CD200: variants seen among roughly 807,000 people sequenced by gnomAD.
The protein encoded by CD200 is CD200 molecule, also known as OX-2 membrane glycoprotein.
Under a neutral mutation model 30.9 loss-of-function variants are expected in CD200, and 15 were observed. The observed-to-expected ratio is 0.49, with a 90% CI of 0.32 to 0.75. CD200 has a LOEUF of 0.75. Ranked by LOEUF, CD200 falls within the 30% of genes least tolerant of loss-of-function variation. CD200 has a pLI of 0.03. For synonymous variants in CD200, 134 were observed against 126.2 expected, an observed-to-expected ratio of 1.06 and a Z score of -0.41; for missense variants, 262 against 324.2, an observed-to-expected ratio of 0.81 and a Z score of 1.47.
At chr3:112,358,492 T>A (rs2081671747) in intron 5 of CD200, among the ~76,000 whole-genome samples, 1 of 152,248 alleles carries the variant, frequency 6.6e-6, no homozygotes, top group Non-Finnish European at 1.5e-5. Flanking sequence ...AGTGCAGTTG[T>A]ATCTCTTTTT....
chr3:112,333,517 C>T, intron 1 of CD200: 1 of 985,442 alleles, frequency 1.0e-6, no homozygotes, highest in Non-Finnish European at 1.2e-6. Flanking sequence ...GCTCTTGATC[C>T]GCGCTGACGA....
intron 5 of CD200, among the ~76,000 whole-genome samples, chr3:112,361,092 G>A (rs909731297): frequency 4.6e-5 from 7 of 152,038 alleles, no homozygotes; most frequent in South Asian, 2.1e-4. Context: ...GCTGGAGTGC[G>A]GTGGTGAGAT....
chr3:112,348,456 G>A (rs2081454327), intron 4 of CD200, among the ~76,000 whole-genome samples: 1 of 152,122 alleles, frequency 6.6e-6, no homozygotes, highest in Non-Finnish European at 1.5e-5. Flanking sequence ...TTGTGTTTTT[G>A]TCTAAACTAC....
intron 1 of CD200, chr3:112,333,904 C>T: frequency 1.0e-6 from 1 of 985,226 alleles, no homozygotes. Flanking sequence ...GCTTACAAGA[C>T]AAAAAACGGA....
chr3:112,343,418 C>G (rs918577146), intron 2 of CD200, among the ~76,000 whole-genome samples: 2 of 152,014 alleles, frequency 1.3e-5, no homozygotes, highest in Admixed American at 6.5e-5. Flanking sequence ...ATCTTCCTGT[C>G]CTATGCTCCT....
chr3:112,340,077 GT>G (rs1487766145), intron 1 of CD200, among the ~76,000 whole-genome samples: 1 of 151,988 alleles, frequency 6.6e-6, no homozygotes, highest in Admixed American at 6.5e-5. Context: ...ATAAAGTTCA[GT>G]TAAAAACAGA....
intron 4 of CD200, among the ~76,000 whole-genome samples, chr3:112,348,877 C>CT (rs35109178): frequency 0.15 from 23,178 of 149,924 alleles, 2,421 homozygotes; most frequent in African/African-American, 0.29. Context: ...AAAAGAATGT[C>CT]TTTTTTTTTT....
At chr3:112,354,798 T>C (rs753640989) in intron 5 of CD200, among the ~76,000 whole-genome samples, 5 of 152,246 alleles carry the variant, frequency 3.3e-5, no homozygotes, top group Non-Finnish European at 7.3e-5. Flanking sequence ...CATTCCTTTC[T>C]GGAGGCTCTA....
At chr3:112,357,245 A>G (rs1418692809) in intron 5 of CD200, among the ~76,000 whole-genome samples, 1 of 139,896 alleles carries the variant, frequency 7.1e-6, no homozygotes. Context: ...TGGGGGACAG[A>G]GCGAGACTGT....
chr3:112,349,644 A>T, intron 4 of CD200, 68 bp from the exon 5 acceptor site: 1 of 1,357,204 alleles, frequency 7.4e-7, no homozygotes, highest in South Asian at 1.5e-5. Context: ...CTAAAAGCTC[A>T]ACTCTTTTTG....
chr3:112,358,477 C>T (rs796778564), intron 5 of CD200, among the ~76,000 whole-genome samples: 1 of 143,566 alleles, frequency 7.0e-6, no homozygotes, highest in Non-Finnish European at 1.6e-5. Context: ...AACTGATTTC[C>T]TGCTAGTGCA....
intron 2 of CD200, among the ~76,000 whole-genome samples, chr3:112,342,407 TTCTTTCTTTCTTTCTTTCTTTCTTC>T (rs2081285280): frequency 1.3e-5 from 1 of 74,992 alleles, no homozygotes; most frequent in African/African-American, 5.0e-5. Flanking sequence ...CTTTCTTTCT[TTCTTTCTTTCTTTCTTTCTTTCTTC>T]TCTCTCTTTC....
intron 5 of CD200, among the ~76,000 whole-genome samples, chr3:112,350,188 G>C (rs1367557621): frequency 6.6e-6 from 1 of 152,140 alleles, no homozygotes; most frequent in Admixed American, 6.5e-5. Context: ...TTAAGAGGCT[G>C]CAATTGTCCA....
chr3:112,333,097 G>A, upstream of CD200: 2 of 1,469,092 alleles, frequency 1.4e-6, no homozygotes, highest in Non-Finnish European at 1.8e-6. Flanking sequence ...GGGCTAGCGA[G>A]GAGGAAGAGG....
intron 5 of CD200, among the ~76,000 whole-genome samples, chr3:112,351,158 T>A (rs1466251959): frequency 6.6e-6 from 1 of 152,148 alleles, no homozygotes; most frequent in African/African-American, 2.4e-5. Context: ...CTTCCTTCCA[T>A]AAGTTTATAC....
In CD200 at chr3:112,347,808, C is replaced by T. The variant is rs1450721616; in HGVS notation, c.672C>T (p.Asp224=). 4 of 1,613,356 alleles carry T rather than the reference C, an allele frequency of 2.5e-6. No individual in the cohort carries two copies. Among genetic ancestry groups the T allele is most frequent in the Admixed American group, 3.3e-5 (2 of 59,978 alleles). ...TGCTGCACCTGGGGACTGTGACCGA[C>T]TTTAAGCAAACCGTCAACAAAGGTA... ...CQVLHLGTVT[D]FKQTVNKGYW... The change falls in exon 4 of 6, where the codon GAC becomes GAT. Residue 224 remains aspartate, a synonymous_variant. Coordinates refer to ENST00000315711, the MANE Select transcript of CD200 (RefSeq NM_005944.7).
chr3:112,333,469 T>A, intron 1 of CD200: 1 of 985,278 alleles, frequency 1.0e-6, no homozygotes, highest in Non-Finnish European at 1.2e-6. Flanking sequence ...CCATTCCAAT[T>A]GCCTGAAAAA....
intron 2 of CD200, among the ~76,000 whole-genome samples, chr3:112,344,668 T>A (rs1049129131): frequency 3.9e-5 from 6 of 152,210 alleles, no homozygotes; most frequent in African/African-American, 1.4e-4. Context: ...GCAGTTTACA[T>A]CTTCAATCTC....
chr3:112,342,338 C>CTTCTTTCTTTCTTTCTTTCT, intron 2 of CD200, among the ~76,000 whole-genome samples: 1 of 21,942 alleles, frequency 4.6e-5, no homozygotes, highest in Admixed American at 5.1e-4. Flanking sequence ...TCTTTCTTTC[C>CTTCTTTCTTTCTTTCTTTCT]TTCTTTCTTT....
Sources: gnomAD v4.1 joint callset for allele counts (sites outside exome capture counted in the v4.1 genomes callset) on GRCh38, gnomAD v4.1.1 for gene constraint, MANE v1.5 for transcripts, NCBI Gene and HGNC (gene_info 2026-07-23, HGNC 2026-07-21) for gene names.